Variants in BCKDHB observed in about 807,000 individuals in gnomAD.
BCKDHB encodes the protein 2-oxoisovalerate dehydrogenase subunit beta, mitochondrial.
BCKDHB carries 41 observed loss-of-function variants against 48.5 expected under a neutral mutation model. The ratio of observed to expected loss-of-function variants is 0.85; its 90% CI spans 0.66 to 1.10. The LOEUF is 1.10. Among genes scored for constraint, BCKDHB ranks in the 50% least tolerant of loss-of-function variants. The probability of loss-of-function intolerance (pLI) is 0.00; values close to 1 mark genes in which losing one functional copy is unlikely to be tolerated. For missense variants in BCKDHB, 496 were observed against 494.2 expected, an observed-to-expected ratio of 1.00 and a Z score of -0.03; for synonymous variants, 201 against 174.8, an observed-to-expected ratio of 1.15 and a Z score of -1.18.
intron 9 of BCKDHB, among the ~76,000 whole-genome samples, chr6:80,325,467 C>T (rs1288750511): frequency 6.6e-6 from 1 of 152,194 alleles, no homozygotes; most frequent in Non-Finnish European, 1.5e-5. Flanking sequence ...TTTTAAATGA[C>T]TCTCAAAGCC....
intron 4 of BCKDHB, 83 bp from the exon 5 acceptor site, chr6:80,168,792 A>AGGAAGGGAGGGAGGGAGGGT: frequency 7.4e-7 from 1 of 1,351,460 alleles, no homozygotes; most frequent in African/African-American, 3.1e-5. Context: ...GAAGGAAGGA[A>AGGAAGGGAGGGAGGGAGGGT]GGGAGGGAGG....
intron 6 of BCKDHB, among the ~76,000 whole-genome samples, chr6:80,173,701 T>G (rs1773022272): frequency 1.3e-5 from 2 of 152,154 alleles, no homozygotes; most frequent in Non-Finnish European, 2.9e-5. Flanking sequence ...TCTTATTTTA[T>G]TCTTAGTTCT....
intron 6 of BCKDHB, among the ~76,000 whole-genome samples, chr6:80,197,340 T>A (rs1774178553): frequency 6.6e-6 from 1 of 152,216 alleles, no homozygotes; most frequent in Non-Finnish European, 1.5e-5. Flanking sequence ...ATTCTCCTGT[T>A]CTCAGGATAA....
intron 9 of BCKDHB, among the ~76,000 whole-genome samples, chr6:80,304,107 T>A (rs1438989716): frequency 2.0e-5 from 3 of 152,162 alleles, no homozygotes; most frequent in Admixed American, 1.3e-4. Context: ...TACATCCTGA[T>A]AAAATCAAAT....
intron 3 of BCKDHB, among the ~76,000 whole-genome samples, chr6:80,139,265 C>G (rs1445655648): frequency 6.6e-6 from 1 of 151,994 alleles, no homozygotes; most frequent in African/African-American, 2.4e-5. Flanking sequence ...CCTGTTCACT[C>G]TGATGGTAGT....
chr6:80,190,110 A>G (rs1158391874), intron 6 of BCKDHB, among the ~76,000 whole-genome samples: 1 of 152,178 alleles, frequency 6.6e-6, no homozygotes, highest in Non-Finnish European at 1.5e-5. Flanking sequence ...ATAAGTATGT[A>G]TAGATCACAC....
chr6:80,369,718 C>A, the BCKDHB span, among the ~76,000 whole-genome samples: 1 of 152,138 alleles, frequency 6.6e-6, no homozygotes, highest in African/African-American at 2.4e-5. Flanking sequence ...TATTATAAAT[C>A]CAAAGAAATG....
At chr6:80,264,924 A>G (rs77664350) in intron 8 of BCKDHB, among the ~76,000 whole-genome samples, 323 of 152,248 alleles carry the variant, frequency 2.1e-3, no homozygotes, top group African/African-American at 7.1e-3. Context: ...TTTGTCCAAG[A>G]AAGATATGCC....
At chr6:80,274,825 T>C (rs1258917696) in intron 9 of BCKDHB, among the ~76,000 whole-genome samples, 2 of 152,038 alleles carry the variant, frequency 1.3e-5, no homozygotes, top group East Asian at 3.8e-4. Context: ...AAAGATAATC[T>C]AATCCAGTGT....
chr6:80,161,107 T>C (rs1271650459), intron 3 of BCKDHB, among the ~76,000 whole-genome samples: 1 of 152,202 alleles, frequency 6.6e-6, no homozygotes, highest in Non-Finnish European at 1.5e-5. Flanking sequence ...AAACATTTGC[T>C]GAGCTTGGTT....
chr6:80,294,656 T>G lies in BCKDHB; in HGVS notation c.1038+21435T>G, dbSNP rs552679680. Among the ~76,000 whole-genome samples the G allele has an allele frequency of 2.3e-3, 350 of 152,304 alleles. 1 individual carries two copies. Among genetic ancestry groups the G allele is most frequent in the African/African-American group, 7.7e-3 (322 of 41,566 alleles). ...GAGTGTCTGTCTTATGTGCTTGAGA[T>G]AAGGACTGAGATACACCCTGGTCTC... On this transcript the variant is annotated intron_variant, in intron 9 of 9. Coordinates refer to ENST00000320393, the MANE Select transcript of BCKDHB (RefSeq NM_183050.4).
intron 8 of BCKDHB, among the ~76,000 whole-genome samples, chr6:80,267,384 T>C (rs76568328): frequency 0.082 from 12,489 of 152,040 alleles, 735 homozygotes; most frequent in South Asian, 0.24. Flanking sequence ...TGGTTACGAG[T>C]ACATAGACAA....
At chr6:80,260,133 C>T (rs1227034256) in intron 8 of BCKDHB, among the ~76,000 whole-genome samples, 2 of 152,120 alleles carry the variant, frequency 1.3e-5, no homozygotes, top group Non-Finnish European at 2.9e-5. Context: ...AGACACCACT[C>T]TCACCGCTAG....
chr6:80,462,609 G>A, the BCKDHB span, among the ~76,000 whole-genome samples: 4 of 152,144 alleles, frequency 2.6e-5, no homozygotes, highest in Non-Finnish European at 4.4e-5. Flanking sequence ...AGTCTTCTCC[G>A]TGCCCTTCTA....
At chr6:80,260,408 G>C (rs968625985) in intron 8 of BCKDHB, among the ~76,000 whole-genome samples, 1 of 152,092 alleles carries the variant, frequency 6.6e-6, no homozygotes, top group Non-Finnish European at 1.5e-5. Flanking sequence ...CTTGAAACTG[G>C]AAACAGACTC....
At chr6:80,420,201 T>C in the BCKDHB span, among the ~76,000 whole-genome samples, 1 of 152,224 alleles carries the variant, frequency 6.6e-6, no homozygotes, top group Non-Finnish European at 1.5e-5. Context: ...GTTCCTTTGG[T>C]CCTGTCACAT....
chr6:80,148,105 T>C (rs2127749983), intron 3 of BCKDHB, among the ~76,000 whole-genome samples: 1 of 152,292 alleles, frequency 6.6e-6, no homozygotes, highest in South Asian at 2.1e-4. Context: ...TCCTGTAATA[T>C]ATTGTAGAAT....
At chr6:80,211,277 A>G (rs746367482) in intron 8 of BCKDHB, among the ~76,000 whole-genome samples, 12 of 152,202 alleles carry the variant, frequency 7.9e-5, no homozygotes, top group Non-Finnish European at 1.8e-4. Context: ...TAAAATGTAT[A>G]AGAATTTGCC....
intron 8 of BCKDHB, among the ~76,000 whole-genome samples, chr6:80,205,070 G>A (rs1206288490): frequency 6.6e-6 from 1 of 151,962 alleles, no homozygotes; most frequent in Non-Finnish European, 1.5e-5. Flanking sequence ...ATTGCTTTGG[G>A]TCTATTTGAG....
Sources: allele counts gnomAD v4.1 joint callset (sites outside exome capture counted in the v4.1 genomes callset), GRCh38; gene constraint gnomAD v4.1.1; transcripts MANE v1.5; gene names NCBI Gene and HGNC (gene_info 2026-07-23, HGNC 2026-07-21).